DOK6: variants seen among roughly 807,000 people sequenced by gnomAD.
The protein encoded by DOK6 is downstream of tyrosine kinase 6.
DOK6 carries 22 observed loss-of-function variants against 44.0 expected under a neutral mutation model. The ratio of observed to expected loss-of-function variants is 0.50; its 90% CI spans 0.36 to 0.71. DOK6 has a LOEUF of 0.71. Ranked by LOEUF, DOK6 falls within the 30% of genes least tolerant of loss-of-function variation. The pLI, the probability that DOK6 is intolerant of heterozygous loss-of-function variation, is 0.00. For synonymous variants in DOK6, 166 were observed against 145.5 expected (o/e 1.14, Z -1.01); for missense variants, 340 against 416.4 (o/e 0.82, Z 1.60).
intron 7 of DOK6, among the ~76,000 whole-genome samples, chr18:69,766,535 C>T (rs754456125): frequency 7.9e-5 from 12 of 152,038 alleles, no homozygotes; most frequent in Non-Finnish European, 1.6e-4. Flanking sequence ...TGGGTTTACA[C>T]GTATTATATA....
intron 3 of DOK6, among the ~76,000 whole-genome samples, chr18:69,605,953 T>G (rs755150798): frequency 1.3e-5 from 2 of 152,132 alleles, no homozygotes; most frequent in Non-Finnish European, 2.9e-5. Flanking sequence ...TGCCCATTTT[T>G]TGAAGGCGAC....
At chr18:69,463,318 C>A (rs894956716) in intron 1 of DOK6, among the ~76,000 whole-genome samples, 1 of 152,186 alleles carries the variant, frequency 6.6e-6, no homozygotes, top group Non-Finnish European at 1.5e-5. Flanking sequence ...TTCCACACAT[C>A]AATCTTGGGA....
At chr18:69,723,964 G>A (rs1978294657) in intron 5 of DOK6, among the ~76,000 whole-genome samples, 2 of 152,138 alleles carry the variant, frequency 1.3e-5, no homozygotes, top group Non-Finnish European at 1.5e-5. Context: ...GCATCCTAGT[G>A]CACCGCAACC....
intron 1 of DOK6, among the ~76,000 whole-genome samples, chr18:69,491,296 G>A (rs921461116): frequency 6.6e-6 from 1 of 152,108 alleles, no homozygotes; most frequent in Non-Finnish European, 1.5e-5. Context: ...CTTATCTAGA[G>A]GAAATGTGTA....
At chr18:69,540,259 T>C (rs991650866) in intron 1 of DOK6, among the ~76,000 whole-genome samples, 2 of 152,226 alleles carry the variant, frequency 1.3e-5, no homozygotes, top group Non-Finnish European at 2.9e-5. Context: ...TTTATCATCA[T>C]ATCCTCTTTC....
chr18:69,444,016 A>G (rs1053208831), intron 1 of DOK6, among the ~76,000 whole-genome samples: 1 of 152,146 alleles, frequency 6.6e-6, no homozygotes, highest in African/African-American at 2.4e-5. Context: ...ATACATATAC[A>G]GATATATGCA....
At chr18:69,742,121 T>C (rs1978821578) in intron 6 of DOK6, among the ~76,000 whole-genome samples, 1 of 151,990 alleles carries the variant, frequency 6.6e-6, no homozygotes, top group Admixed American at 6.6e-5. Context: ...TTTAGAAAAA[T>C]TTCTCAGCAC....
chr18:69,705,289 G>A (rs546756756), intron 5 of DOK6: 5 of 152,236 alleles, frequency 3.3e-5, no homozygotes, highest in African/African-American at 1.2e-4. Flanking sequence ...GTAAAACTTT[G>A]TCAAAATATT....
intron 3 of DOK6, among the ~76,000 whole-genome samples, chr18:69,646,345 T>C (rs193252038): frequency 6.6e-6 from 1 of 152,332 alleles, no homozygotes; most frequent in East Asian, 1.9e-4. Flanking sequence ...TTTCATTATG[T>C]CTGCAGTTGC....
intron 1 of DOK6, among the ~76,000 whole-genome samples, chr18:69,465,974 A>G (rs75225954): frequency 0.01 from 1,577 of 152,318 alleles, 36 homozygotes; most frequent in African/African-American, 0.036. Context: ...ATTGTGAAAT[A>G]GTTAAATTAA....
intron 1 of DOK6, among the ~76,000 whole-genome samples, chr18:69,457,513 A>T (rs181073352): frequency 6.6e-6 from 1 of 152,194 alleles, no homozygotes; most frequent in Non-Finnish European, 1.5e-5. Flanking sequence ...TTGTACCAGT[A>T]GTATGCTGTT....
chr18:69,817,027 C>T (rs1014403727), intron 7 of DOK6, among the ~76,000 whole-genome samples: 1 of 152,176 alleles, frequency 6.6e-6, no homozygotes, highest in Non-Finnish European at 1.5e-5. Flanking sequence ...AGTAAGTAGA[C>T]ACATACCTTC....
intron 7 of DOK6, among the ~76,000 whole-genome samples, chr18:69,772,074 G>A (rs1406660093): frequency 6.6e-6 from 1 of 151,664 alleles, no homozygotes; most frequent in Non-Finnish European, 1.5e-5. Context: ...GGGAGGCTGA[G>A]GTGGAGGATC....
chr18:69,462,089 A>G (rs1340342618), intron 1 of DOK6, among the ~76,000 whole-genome samples: 1 of 152,146 alleles, frequency 6.6e-6, no homozygotes, highest in South Asian at 2.1e-4. Flanking sequence ...AGTAGATAGG[A>G]TATCTCTTTT....
At chr18:69,584,191 T>G (rs1159830854) in intron 2 of DOK6, among the ~76,000 whole-genome samples, 1 of 152,064 alleles carries the variant, frequency 6.6e-6, no homozygotes, top group Non-Finnish European at 1.5e-5. Context: ...ATCAAACGAA[T>G]TTAGTAAAGT....
chr18:69,677,084 T>A (rs1360879176), intron 3 of DOK6, among the ~76,000 whole-genome samples: 1 of 152,160 alleles, frequency 6.6e-6, no homozygotes, highest in Non-Finnish European at 1.5e-5. Flanking sequence ...GCCTAATTTG[T>A]ATTGTTTACA....
At chr18:69,490,807 T>G (rs770803461) in intron 1 of DOK6, among the ~76,000 whole-genome samples, 1 of 152,258 alleles carries the variant, frequency 6.6e-6, no homozygotes, top group South Asian at 2.1e-4. Context: ...TGTTTTTATT[T>G]AAAGCCTTGT....
intron 3 of DOK6, among the ~76,000 whole-genome samples, chr18:69,627,476 T>C (rs1402701083): frequency 6.6e-6 from 1 of 152,060 alleles, no homozygotes; most frequent in African/African-American, 2.4e-5. Context: ...TGTGACGGAG[T>C]CTCGCTTTGT....
At position 69,605,146 on chromosome 18, in the gene DOK6, C is replaced by T. The variant is rs976959075; in HGVS notation, c.289+5648C>T. Among the ~76,000 whole-genome samples the T allele has an allele frequency of 3.8e-4, 54 of 141,598 alleles. 1 individual carries two copies. Among genetic ancestry groups the T allele is most frequent in the South Asian group, 1.9e-3 (8 of 4,310 alleles). 92.9% of individuals were successfully genotyped at this position (141,598 alleles called of 152,430 possible). ...TGTGTGTTTCAGAATCAGCTGAGAC[C>T]AAATCATTTTGCAGCATTCAAGAAG... On this transcript the variant is annotated intron_variant, in intron 3 of 7. Coordinates refer to ENST00000382713, the MANE Select transcript of DOK6 (RefSeq NM_152721.6).
Sources: gnomAD v4.1 joint callset for allele counts (sites outside exome capture counted in the v4.1 genomes callset) on GRCh38, gnomAD v4.1.1 for gene constraint, MANE v1.5 for transcripts, NCBI Gene and HGNC (gene_info 2026-07-23, HGNC 2026-07-21) for gene names.